Variants in NTNG1 observed in about 807,000 individuals in gnomAD.
NTNG1 encodes the protein netrin G1, also known as netrin-G1.
A neutral mutation model predicts 54.0 loss-of-function variants in NTNG1; 16 were observed. That is an observed-to-expected ratio of 0.30 (90% CI 0.20 to 0.45). NTNG1 has a LOEUF of 0.45. Ranked by LOEUF, NTNG1 falls within the 20% of genes least tolerant of loss-of-function variation. The pLI is 1.00. For missense variants in NTNG1, 530 were observed against 678.7 expected (o/e 0.78, Z 2.43); for synonymous variants, 255 against 263.1 (o/e 0.97, Z 0.30).
At chr1:107,267,339 A>G (rs1386235457) in intron 2 of NTNG1, among the ~76,000 whole-genome samples, 1 of 152,124 alleles carries the variant, frequency 6.6e-6, no homozygotes, top group Non-Finnish European at 1.5e-5. Flanking sequence ...AATACTGGGG[A>G]GCTAATGTGT....
intron 7 of NTNG1, among the ~76,000 whole-genome samples, chr1:107,439,350 T>C (rs749094671): frequency 6.6e-6 from 1 of 151,206 alleles, no homozygotes; most frequent in Non-Finnish European, 1.5e-5. Context: ...TTAAACAGCA[T>C]CCAGGGACTA....
At chr1:107,401,285 G>A (rs1306553238) in intron 4 of NTNG1, among the ~76,000 whole-genome samples, 1 of 152,124 alleles carries the variant, frequency 6.6e-6, no homozygotes, top group Non-Finnish European at 1.5e-5. Context: ...TCCTAATTTT[G>A]TCAGCGCAGT....
At chr1:107,164,011 C>T (rs1266468507) in intron 2 of NTNG1, among the ~76,000 whole-genome samples, 7 of 152,180 alleles carry the variant, frequency 4.6e-5, no homozygotes, top group African/African-American at 1.7e-4. Context: ...CACTGCTACT[C>T]AACAAAACAA....
At chr1:107,376,417 C>CAAAAAAAA (rs59015235) in intron 3 of NTNG1, among the ~76,000 whole-genome samples, 6 of 147,988 alleles carry the variant, frequency 4.1e-5, no homozygotes, top group East Asian at 2.0e-4. Flanking sequence ...CAAAACAAAA[C>CAAAAAAAA]AAAAAAAAAA....
At chr1:107,267,293 T>C (rs1232465214) in intron 2 of NTNG1, among the ~76,000 whole-genome samples, 3 of 152,198 alleles carry the variant, frequency 2.0e-5, no homozygotes. Flanking sequence ...TGTTGACCAT[T>C]ATTCAAGGAA....
At chr1:107,458,729 C>T (rs936650906) in intron 7 of NTNG1, among the ~76,000 whole-genome samples, 2 of 152,096 alleles carry the variant, frequency 1.3e-5, no homozygotes, top group African/African-American at 4.8e-5. Context: ...ATTACCATTA[C>T]CATAATACCA....
chr1:107,418,668 C>T (rs375252396), intron 5 of NTNG1: 59 of 1,525,546 alleles, frequency 3.9e-5, no homozygotes, highest in East Asian at 9.2e-5. Flanking sequence ...AAAATTCCTA[C>T]GGACATAAAA....
intron 2 of NTNG1, among the ~76,000 whole-genome samples, chr1:107,254,269 A>G (rs1002135388): frequency 6.6e-5 from 10 of 152,228 alleles, no homozygotes; most frequent in African/African-American, 1.9e-4. Context: ...AGTTAATACG[A>G]ACTATACAAT....
chr1:107,317,793 A>C (rs1667421031), intron 2 of NTNG1, among the ~76,000 whole-genome samples: 1 of 152,224 alleles, frequency 6.6e-6, no homozygotes, highest in Non-Finnish European at 1.5e-5. Context: ...GATTGAAACA[A>C]GCTGCAACTT....
At chr1:107,446,523 A>G (rs1189994564) in intron 7 of NTNG1, among the ~76,000 whole-genome samples, 1 of 152,154 alleles carries the variant, frequency 6.6e-6, no homozygotes, top group Non-Finnish European at 1.5e-5. Context: ...GGGAAAAAAT[A>G]CATACAGAAC....
intron 1 of NTNG1, among the ~76,000 whole-genome samples, chr1:107,145,410 G>A (rs1319803501): frequency 1.3e-5 from 2 of 151,942 alleles, no homozygotes; most frequent in African/African-American, 2.4e-5. Context: ...AAAGTAAGAA[G>A]ACCCTGAAAT....
intron 3 of NTNG1, among the ~76,000 whole-genome samples, chr1:107,358,424 A>G (rs1396657175): frequency 6.6e-6 from 1 of 151,510 alleles, no homozygotes; most frequent in Non-Finnish European, 1.5e-5. Flanking sequence ...TTGCACATAG[A>G]TTTGGTCACG....
intron 4 of NTNG1, among the ~76,000 whole-genome samples, chr1:107,399,575 T>C (rs1371866478): frequency 6.6e-6 from 1 of 152,192 alleles, no homozygotes; most frequent in African/African-American, 2.4e-5. Flanking sequence ...TGTGTCCTTA[T>C]CCAGACAATT....
At chr1:107,224,272 G>T (rs539710699) in intron 2 of NTNG1, among the ~76,000 whole-genome samples, 1 of 152,250 alleles carries the variant, frequency 6.6e-6, no homozygotes, top group South Asian at 2.1e-4. Flanking sequence ...CTTACCTGAA[G>T]ATCTGATTGA....
intron 2 of NTNG1, among the ~76,000 whole-genome samples, chr1:107,320,705 C>A (rs1193284996): frequency 7.7e-6 from 1 of 129,516 alleles, no homozygotes; most frequent in Non-Finnish European, 1.7e-5. Context: ...GTGCAGGGGA[C>A]CAAAATGAAA....
chr1:107,398,399 G>A lies in NTNG1; in HGVS notation c.1060+3073G>A, dbSNP rs374790759. Among the ~76,000 whole-genome samples, 27 of 152,216 alleles carry A rather than the reference G, an allele frequency of 1.8e-4. No individual in the cohort carries two copies. In the East Asian group the frequency reaches 5.0e-3, roughly 28 times the overall value. The stretch of plus-strand genomic sequence containing the variant: ...ACAATATTCTTCCCCAAGACACTCA[G>A]CCCACCACTCAGGGATACCATAGAT... On this transcript the variant is annotated intron_variant, in intron 4 of 7. Coordinates refer to ENST00000370068, the MANE Select transcript of NTNG1 (RefSeq NM_001113226.3).
At chr1:107,389,242 TCTGA>T (rs1570840080) in intron 3 of NTNG1, among the ~76,000 whole-genome samples, 1 of 152,194 alleles carries the variant, frequency 6.6e-6, no homozygotes, top group East Asian at 1.9e-4. Context: ...TAACCAAAAC[TCTGA>T]CTGCACAACA....
At chr1:107,259,849 C>A (rs1409882052) in intron 2 of NTNG1, among the ~76,000 whole-genome samples, 1 of 152,076 alleles carries the variant, frequency 6.6e-6, no homozygotes, top group African/African-American at 2.4e-5. Flanking sequence ...TATTAAAAAT[C>A]TTTATAGTTT....
intron 2 of NTNG1, among the ~76,000 whole-genome samples, chr1:107,272,978 C>T (rs932410399): frequency 3.4e-4 from 51 of 152,168 alleles, no homozygotes; most frequent in Admixed American, 2.7e-3. Context: ...CATATCTTTA[C>T]TGTCATTGTT....
Sources: gnomAD v4.1 joint callset for allele counts (sites outside exome capture counted in the v4.1 genomes callset) on GRCh38, gnomAD v4.1.1 for gene constraint, MANE v1.5 for transcripts, NCBI Gene and HGNC (gene_info 2026-07-23, HGNC 2026-07-21) for gene names.